PKP1: variants seen among roughly 807,000 people sequenced by gnomAD.
PKP1 encodes plakophilin 1.
PKP1 carries 27 observed loss-of-function variants against 76.4 expected under a neutral mutation model. The ratio of observed to expected loss-of-function variants is 0.35; its 90% CI spans 0.26 to 0.49. The LOEUF (loss-of-function observed/expected upper bound fraction) is 0.49, where lower values mean the gene tolerates loss of function less well. Ranked by LOEUF, PKP1 falls within the 20% of genes least tolerant of loss-of-function variation. PKP1 has a pLI of 0.99. For missense variants in PKP1, 964 were observed against 955.2 expected (o/e 1.01, Z -0.12); for synonymous variants, 404 against 384.2 (o/e 1.05, Z -0.60).
intron 12 of PKP1, among the ~76,000 whole-genome samples, chr1:201,326,382 T>C (rs1379147352): frequency 1.3e-5 from 2 of 152,230 alleles, no homozygotes; most frequent in African/African-American, 2.4e-5. Context: ...GACCTTGGCC[T>C]CCTCTCTGTC....
chr1:201,318,725 G>T lies in PKP1; in HGVS notation c.1162G>T (p.Asp388Tyr). ...CATCATTCCCTTCTCTGGCTGGTGC[G>T]ATGGCAATAGCAACATGTCCCGGGA... ...RVIIPFSGWC[D>Y]GNSNMSREVV... is the part of the protein sequence containing the mutation. The change falls in exon 6 of 14, where the codon GAT becomes TAT. Residue 388 changes from aspartate (D) to tyrosine (Y), a missense_variant. Coordinates refer to ENST00000367324, the MANE Select transcript of PKP1 (RefSeq NM_001005337.3). The T allele has an allele frequency of 6.2e-7, 1 of 1,611,924 alleles. No individual in the cohort carries two copies. The highest frequency in any genetic ancestry group is 8.5e-7 in the Non-Finnish European group (1 of 1,179,730).
chr1:201,289,204 T>G (rs934850589), intron 1 of PKP1, among the ~76,000 whole-genome samples: 1 of 152,230 alleles, frequency 6.6e-6, no homozygotes, highest in African/African-American at 2.4e-5. Context: ...GGGTATTCTC[T>G]CAGCAGTAGC....
rs568423815 is a variant in PKP1 at position 201,331,475 on chromosome 1, G to C, written c.*1434G>C. 2 of 152,526 alleles carry C rather than the reference G, an allele frequency of 1.3e-5. No individual in the cohort carries two copies. The highest frequency in any genetic ancestry group is 2.9e-5 in the Non-Finnish European group (2 of 68,198). 9.4% of individuals were successfully genotyped at this position (152,526 alleles called of 1,614,324 possible). A position where few individuals can be genotyped will look rare whatever the true frequency, so the allele number is the denominator to read the frequency against. On this transcript the variant is annotated 3_prime_UTR_variant, in exon 14 of 14. Coordinates refer to ENST00000367324, the MANE Select transcript of PKP1 (RefSeq NM_001005337.3). The stretch of plus-strand genomic sequence containing the variant: ...CCTTGGTGTACACTAAGACAGAGCA[G>C]AGCCCAGCGCTCCCAAGCCTTCCTC...
intron 2 of PKP1, among the ~76,000 whole-genome samples, chr1:201,307,359 C>T (rs1341445547): frequency 1.3e-5 from 2 of 152,176 alleles, no homozygotes; most frequent in African/African-American, 4.8e-5. Context: ...GAGAAGGAGC[C>T]GTGCCCAGAG....
chr1:201,312,016 T>C (rs1486458652), intron 2 of PKP1, among the ~76,000 whole-genome samples: 2 of 152,188 alleles, frequency 1.3e-5, no homozygotes, highest in Admixed American at 6.5e-5. Context: ...TTGTCTGTTG[T>C]ATGTTTTTGT....
rs1292197360 is a variant in PKP1 at position 201,310,507 on chromosome 1, G to T, written c.307-2659G>T. Among the ~76,000 whole-genome samples the T allele has an allele frequency of 2.6e-5, 4 of 152,322 alleles. No homozygotes were observed. In the East Asian group the frequency reaches 7.7e-4, roughly 29 times the overall value. On this transcript the variant is annotated intron_variant, in intron 2 of 13. Transcript: ENST00000367324. ...TTCCCAGGCAGTTGCTGCCGTTTCA[G>T]CCTTCAAGGCTGCAGGCTTCATCCA... is the stretch of plus-strand genomic sequence containing the variant.
At chr1:201,291,035 T>G (rs1413703268) in intron 1 of PKP1, among the ~76,000 whole-genome samples, 1 of 152,178 alleles carries the variant, frequency 6.6e-6, no homozygotes, top group Non-Finnish European at 1.5e-5. Context: ...TCACTTTTGT[T>G]GTGGGAGCAG....
chr1:201,285,315 C>G (rs933006682), intron 1 of PKP1, among the ~76,000 whole-genome samples: 1 of 151,854 alleles, frequency 6.6e-6, no homozygotes, highest in Non-Finnish European at 1.5e-5. Flanking sequence ...TACTCCCTAG[C>G]CCCCATTCCT....
chr1:201,302,162 T>C (rs1043263382), intron 2 of PKP1, among the ~76,000 whole-genome samples: 1 of 152,338 alleles, frequency 6.6e-6, no homozygotes. Context: ...CTGCTTGTGT[T>C]TTCATCTCCT....
intron 3 of PKP1, 37 bp from the exon 4 acceptor site, chr1:201,316,516 C>T (rs1477469417): frequency 1.9e-6 from 3 of 1,574,608 alleles, no homozygotes; most frequent in Admixed American, 3.6e-5. Flanking sequence ...GGCTCCCAGC[C>T]CACCCCGTAA....
At position 201,283,657 on chromosome 1, in the gene PKP1, T is replaced by A. The variant is rs749883337; in HGVS notation, c.-46T>A. On this transcript the variant is annotated 5_prime_UTR_variant, in exon 1 of 14. Coordinates refer to ENST00000367324, the MANE Select transcript of PKP1 (RefSeq NM_001005337.3). ...GCTGCACCGCACCTCGCCTCGCCTC[T>A]CTGCTCTCCTAGGCCCCGGCCGCGC... 10 of 1,549,424 alleles carry A rather than the reference T, an allele frequency of 6.5e-6. No homozygotes were observed. In the African/African-American group the frequency reaches 1.4e-4, roughly 21 times the overall value.
At chr1:201,315,500 G>C (rs1558191331) in intron 3 of PKP1, among the ~76,000 whole-genome samples, 1 of 152,182 alleles carries the variant, frequency 6.6e-6, no homozygotes, top group Admixed American at 6.5e-5. Flanking sequence ...TAGAAGAGAG[G>C]TTTCCCTTCC....
At chr1:201,296,470 T>C (rs1656076523) in intron 2 of PKP1, among the ~76,000 whole-genome samples, 1 of 152,198 alleles carries the variant, frequency 6.6e-6, no homozygotes, top group Non-Finnish European at 1.5e-5. Context: ...GGGTGTAGTT[T>C]GTCTGCACAA....
Position 201,320,135 on chromosome 1 carries a change from G to C in PKP1, c.1233-132G>C, listed in dbSNP as rs996389818. ...CACAACTTCCAATCTCCACCCCGTC[G>C]TCTCCTCTCTGCCCTCCCCTCTCCT... is the stretch of plus-strand genomic sequence containing the variant. On this transcript the variant is annotated intron_variant, in intron 6 of 13. Transcript: ENST00000367324. 1.1e-5 allele frequency: 8 copies of C among 713,780 alleles called. No individual in the cohort carries two copies. In the South Asian group the frequency reaches 1.2e-4, roughly 11 times the overall value. The allele number at this position is 713,780 out of a possible 1,614,324, so 44.2% of individuals were successfully genotyped here.
At chr1:201,293,791 G>A (rs1189395176) in intron 1 of PKP1, 151 bp from the exon 2 acceptor site, 1 of 691,694 alleles carries the variant, frequency 1.4e-6, no homozygotes, top group Non-Finnish European at 2.7e-6. Context: ...GAGATAGATG[G>A]AGATGACATT....
intron 6 of PKP1, 140 bp downstream of exon 6, chr1:201,318,935 C>A: frequency 1.3e-6 from 1 of 769,318 alleles, no homozygotes; most frequent in Non-Finnish European, 2.3e-6. Flanking sequence ...GGCTCCAAGA[C>A]ACAGGGACTC....
At chr1:201,303,062 A>G (rs1010538675) in intron 2 of PKP1, among the ~76,000 whole-genome samples, 2 of 152,224 alleles carry the variant, frequency 1.3e-5, no homozygotes, top group Non-Finnish European at 2.9e-5. Flanking sequence ...ACTACGGGCA[A>G]TCATGTTTCC....
At chr1:201,287,069 T>C (rs1370580686) in intron 1 of PKP1, among the ~76,000 whole-genome samples, 1 of 152,210 alleles carries the variant, frequency 6.6e-6, no homozygotes, top group Non-Finnish European at 1.5e-5. Flanking sequence ...ACCAGCACCA[T>C]TGCCTGCTTT....
intron 1 of PKP1, among the ~76,000 whole-genome samples, chr1:201,293,020 G>T (rs1309014607): frequency 6.6e-6 from 1 of 152,196 alleles, no homozygotes; most frequent in East Asian, 1.9e-4. Context: ...CTTGAGCTTG[G>T]CTTCAAAAGA....
Sources: allele counts gnomAD v4.1 joint callset (sites outside exome capture counted in the v4.1 genomes callset), GRCh38; gene constraint gnomAD v4.1.1; transcripts MANE v1.5; gene names NCBI Gene and HGNC (gene_info 2026-07-23, HGNC 2026-07-21).